Variants in ZNF333 observed in about 807,000 individuals in gnomAD.
ZNF333 encodes zinc finger protein 333.
Under a neutral mutation model 76.1 loss-of-function variants are expected in ZNF333, and 61 were observed. The observed-to-expected ratio is 0.80, with a 90% CI of 0.65 to 0.99. The LOEUF (loss-of-function observed/expected upper bound fraction) is 0.99. ZNF333 is among the 50% of genes least tolerant of loss of function. The pLI is 0.00. For synonymous variants in ZNF333, 284 were observed against 305.0 expected, an observed-to-expected ratio of 0.93 and a Z score of 0.72; for missense variants, 717 against 822.4, an observed-to-expected ratio of 0.87 and a Z score of 1.57.
rs1350058800 is a variant in ZNF333, at chr19:14,728,036, C to T, written c.901-3139C>T. Among the ~76,000 whole-genome samples, 11 of 152,154 alleles carry T rather than the reference C, an allele frequency of 7.2e-5. No homozygotes were observed. In the East Asian group the frequency reaches 2.1e-3, roughly 29 times the overall value. On this transcript the variant is annotated intron_variant, in intron 11 of 11. Coordinates refer to the ZNF333 transcript ENST00000540689. ...AGGAGATCGAGACCATCCTGGCTAA[C>T]ACGGTGAAACCCCATCTCTACTGAA...
In ZNF333 at chr19:14,705,132, C is replaced by T. The variant is rs767433210; in HGVS notation, c.385C>T (p.Pro129Ser). Residue 129 changes from proline to serine, a missense_variant, in exon 6 of 12, where the codon CCA becomes TCA. Transcript: ENST00000292530. The part of the protein sequence containing the change: ...RETPLTREDR[P>S]ALQEPPWSLG... ...GACACCATTGACTCGAGAGGACCGG[C>T]CAGCTCTCCAGGAGCCGCCTTGGTC... The T allele has an allele frequency of 6.2e-7, 1 of 1,613,866 alleles. No homozygotes were observed. Among genetic ancestry groups the T allele is most frequent in the Non-Finnish European group, 8.5e-7 (1 of 1,179,970 alleles).
chr19:14,711,979 C>T (rs559670377), intron 7 of ZNF333, among the ~76,000 whole-genome samples: 14 of 151,166 alleles, frequency 9.3e-5, no homozygotes, highest in Non-Finnish European at 1.3e-4. Context: ...ACTCTGAGGG[C>T]GACGTTTCAG....
At position 14,719,133 on chromosome 19, in the gene ZNF333, T is replaced by G; in HGVS notation, c.1806T>G (p.Ser602=). The change falls in exon 12 of 12, where the codon TCT becomes TCG. Residue 602 remains serine, a synonymous_variant. Transcript: ENST00000292530. ...CQECGRAFGQ[S]SHLIVHVRTH... ...AATGCGGGCGAGCCTTTGGTCAGTC[T>G]TCACATCTTATTGTACATGTGAGAA... is the stretch of plus-strand genomic sequence containing the variant. 1 of 1,614,192 alleles carries G rather than the reference T, an allele frequency of 6.2e-7. No homozygotes were observed. The highest frequency in any genetic ancestry group is 1.1e-5 in the South Asian group (1 of 91,078).
At chr19:14,705,536 C>T (rs1471648233) in intron 6 of ZNF333, among the ~76,000 whole-genome samples, 2 of 152,198 alleles carry the variant, frequency 1.3e-5, no homozygotes, top group Non-Finnish European at 2.9e-5. Flanking sequence ...AGCATCCAGG[C>T]TCAGGGAAGT....
At chr19:14,706,919 CATT>C (rs2042127767) in intron 7 of ZNF333, 146 bp downstream of exon 7, 2 of 618,888 alleles carry the variant, frequency 3.2e-6, no homozygotes, top group African/African-American at 3.8e-5. Context: ...AGGCCTCTCT[CATT>C]ATTTGTGTGT....
chr19:14,706,803 C>A, intron 7 of ZNF333, 30 bp downstream of exon 7: 1 of 1,582,142 alleles, frequency 6.3e-7, no homozygotes, highest in Non-Finnish European at 8.7e-7. Context: ...AACACGTGGC[C>A]AGAGGGCCCT....
rs1255110695 is a variant in ZNF333 at position 14,717,066 on chromosome 19, G to T, written c.800G>T (p.Gly267Val). 2.5e-6 allele frequency: 4 copies of T among 1,609,124 alleles called. No individual in the cohort carries two copies. Among genetic ancestry groups the T allele is most frequent in the Non-Finnish European group, 3.4e-6 (4 of 1,177,284 alleles). The change falls in exon 10 of 12, where the codon GGC becomes GTC. Residue 267 changes from glycine to valine, a missense_variant. Coordinates refer to ENST00000292530, the MANE Select transcript of ZNF333 (RefSeq NM_032433.4). The part of the protein sequence containing the change: ...ERGEQWTTDR[G>V]VLSDTCAEPQ... ...GGAGAGCAGTGGACCACTGACAGGG[G>T]CGTCCTCTCAGACACCTGTGCAGGT...
chr19:14,717,570 C>T, intron 10 of ZNF333, 87 bp from the exon 11 acceptor site: 2 of 1,174,472 alleles, frequency 1.7e-6, no homozygotes, highest in Non-Finnish European at 1.3e-6. Context: ...AAAAAGTCCA[C>T]ATGTGCCTTG....
exon 12 of ZNF333, chr19:14,731,354 C>T (rs772291804): frequency 3.9e-5 from 26 of 664,578 alleles, no homozygotes; most frequent in Non-Finnish European, 6.1e-5. Flanking sequence ...CCGTGACATC[C>T]GGGCTCCTTA....
chr19:14,718,118 G>A lies in ZNF333; in HGVS notation c.901-110G>A, dbSNP rs188791246. The A allele has an allele frequency of 4.0e-5, 57 of 1,422,260 alleles. No homozygotes were observed. The East Asian group carries it at 1.3e-3, about 33-fold the overall frequency. 88.1% of individuals were successfully genotyped at this position (1,422,260 alleles called of 1,614,324 possible). On this transcript the variant is annotated intron_variant, in intron 11 of 11. Transcript: ENST00000292530. ...AGAAATGGTATGGACTCCATAAATGGTAAAAGTATCAGATATAGAACTGTC... is the reference window on the plus strand; with the variant it reads ...AGAAATGGTATGGACTCCATAAATGATAAAAGTATCAGATATAGAACTGTC...
rs2042549512 is a variant in ZNF333 at position 14,719,799 on chromosome 19, T to G, written c.*474T>G. ...GATTTGCTATTAGGTCTGGTGTGGCTTATTCTTCTAGCTGCCAACCCAAAT... is the reference window on the plus strand; with the variant it reads ...GATTTGCTATTAGGTCTGGTGTGGCGTATTCTTCTAGCTGCCAACCCAAAT... On this transcript the variant is annotated 3_prime_UTR_variant, in exon 12 of 12. Coordinates refer to ENST00000292530, the MANE Select transcript of ZNF333 (RefSeq NM_032433.4). 1.9e-5 allele frequency: 19 copies of G among 987,414 alleles called. No homozygotes were observed. The highest frequency in any genetic ancestry group is 2.3e-5 in the Non-Finnish European group (19 of 831,422). 61.2% of individuals were successfully genotyped at this position (987,414 alleles called of 1,614,324 possible). A position where few individuals can be genotyped will look rare whatever the true frequency, so the allele number is the denominator to read the frequency against.
Position 14,699,170 on chromosome 19 carries a change from G to A in ZNF333, c.224-29G>A, listed in dbSNP as rs371203680. ...TAATGTCACTATTTCTTTCTGAAAG[G>A]AGTTCATTTTTTCTCCCATTCATTT... On this transcript the variant is annotated intron_variant, in intron 4 of 11. Coordinates refer to ENST00000292530, the MANE Select transcript of ZNF333 (RefSeq NM_032433.4). 28 of 1,553,900 alleles carry A rather than the reference G, an allele frequency of 1.8e-5. No homozygotes were observed. In the Admixed American group the frequency reaches 2.0e-4, roughly 11 times the overall value.
chr19:14,728,419 C>T (rs369397294), intron 11 of ZNF333, among the ~76,000 whole-genome samples: 1 of 152,206 alleles, frequency 6.6e-6, no homozygotes, highest in Non-Finnish European at 1.5e-5. Flanking sequence ...CTTCTCCTCT[C>T]ATCCCTGAGG....
chr19:14,693,327 A>G, intron 1 of ZNF333, 124 bp from the exon 2 acceptor site: 1 of 587,588 alleles, frequency 1.7e-6, no homozygotes, highest in Non-Finnish European at 2.8e-6. Context: ...GGGGGCCAAC[A>G]TGTTGCTTAT....
At position 14,720,200 on chromosome 19, in the gene ZNF333, TA is replaced by T; in HGVS notation, c.*883del. On this transcript the variant is annotated 3_prime_UTR_variant, in exon 12 of 12. Transcript: ENST00000292530. ...AACTCTGTCTCAAAAATAATAATAA[TA>T]AAAAAAAGCTTCCATCTCCCAGCCC... 3.1e-6 allele frequency: 3 copies of T among 982,830 alleles called. No homozygotes were observed. The highest frequency in any genetic ancestry group is 2.4e-6 in the Non-Finnish European group (2 of 828,098). The allele number at this position is 982,830 out of a possible 1,614,324, so 60.9% of individuals were successfully genotyped here.
Position 14,716,108 on chromosome 19 carries a change from T to C in ZNF333, c.601-4T>C, listed in dbSNP as rs1378714008. The C allele has an allele frequency of 1.9e-6, 3 of 1,613,970 alleles. No individual in the cohort carries two copies. Among genetic ancestry groups the C allele is most frequent in the Non-Finnish European group, 2.5e-6 (3 of 1,179,962 alleles). ...GGCTGAGCCGGGATGGATGTGTGTTTTAGGAACCAGTCACCTTTGCAGATG... is the reference window on the plus strand; with the variant it reads ...GGCTGAGCCGGGATGGATGTGTGTTCTAGGAACCAGTCACCTTTGCAGATG... On this transcript the variant is annotated splice_region_variant and splice_polypyrimidine_tract_variant and intron_variant, in intron 8 of 11. Transcript: ENST00000292530.
At chr19:14,695,803 A>T in intron 4 of ZNF333, 142 bp downstream of exon 4, 2 of 671,854 alleles carry the variant, frequency 3.0e-6, no homozygotes, top group Non-Finnish European at 5.3e-6. Flanking sequence ...AAGTTCCTTT[A>T]GCTTCTCTTC....
chr19:14,703,215 A>C (rs1250057751), intron 5 of ZNF333, among the ~76,000 whole-genome samples: 3 of 151,668 alleles, frequency 2.0e-5, no homozygotes, highest in Non-Finnish European at 4.4e-5. Flanking sequence ...AAAAAAAAAA[A>C]AAAAAAACCA....
Position 14,706,687 on chromosome 19 carries a change from G to T in ZNF333, c.425G>T (p.Gly142Val). The T allele has an allele frequency of 1.2e-6, 2 of 1,614,110 alleles. No individual in the cohort carries two copies. Among genetic ancestry groups the T allele is most frequent in the South Asian group, 1.1e-5 (1 of 91,050 alleles). Reference sequence around the variant, plus strand: ...TGTGACCCCTGTCACTCTGTCCAGGGACTGAAGGCCGCTATGCAGATTCAG... The same window carrying T: ...TGTGACCCCTGTCACTCTGTCCAGGTACTGAAGGCCGCTATGCAGATTCAG... ...QEPPWSLGCT[G>V]LKAAMQIQRV... The change falls in exon 7 of 12, where the codon GGA becomes GTA. Residue 142 changes from glycine to valine, a missense_variant and splice_region_variant. Transcript: ENST00000292530.
Sources: gnomAD v4.1 joint callset for allele counts (sites outside exome capture counted in the v4.1 genomes callset) on GRCh38, gnomAD v4.1.1 for gene constraint, MANE v1.5 for transcripts, NCBI Gene and HGNC (gene_info 2026-07-23, HGNC 2026-07-21) for gene names.